The following FBXO4 variants were observed in gnomAD, a reference collection of about 807,000 sequenced individuals.
FBXO4 encodes F-box protein 4.
In FBXO4, 36 loss-of-function variants were observed where a neutral mutation model predicts 43.7. The ratio of observed to expected loss-of-function variants is 0.82; its 90% confidence interval spans 0.63 to 1.09. The LOEUF (loss-of-function observed/expected upper bound fraction) is 1.09. Ranked by LOEUF, FBXO4 falls within the 50% of genes least tolerant of loss-of-function variation. The pLI is 0.00. For missense variants in FBXO4, 435 were observed against 474.1 expected (o/e 0.92, Z 0.77); for synonymous variants, 180 against 165.6 (o/e 1.09, Z -0.67).
chr5:41,967,514 G>T, the FBXO4 span: 2 of 782,784 alleles, frequency 2.6e-6, no homozygotes, highest in Admixed American at 1.9e-5. Context: ...TATAACAGTG[G>T]CATCACCTCC....
chr5:41,925,606 C>G, intron 1 of FBXO4, 108 bp downstream of exon 1: 1 of 813,466 alleles, frequency 1.2e-6, no homozygotes, highest in Non-Finnish European at 1.7e-6. Context: ...CGGCCTGGGT[C>G]TGGCTCCGTC....
chr5:41,958,175 C>T, the FBXO4 span, among the ~76,000 whole-genome samples: 4 of 148,708 alleles, frequency 2.7e-5, no homozygotes, highest in African/African-American at 9.9e-5. Flanking sequence ...CGCTCTGTCA[C>T]CCAGGCTGGA....
chr5:41,954,480 C>T, the FBXO4 span, among the ~76,000 whole-genome samples: 1 of 152,160 alleles, frequency 6.6e-6, no homozygotes, highest in Non-Finnish European at 1.5e-5. Context: ...CCACTCTCCT[C>T]AAAGCAGCAC....
At chr5:41,940,298 C>T (rs1751972613) in intron 6 of FBXO4, among the ~76,000 whole-genome samples, 1 of 151,992 alleles carries the variant, frequency 6.6e-6, no homozygotes, top group Non-Finnish European at 1.5e-5. Context: ...GGGTCTCGCT[C>T]TCACCCAGGC....
the FBXO4 span, among the ~76,000 whole-genome samples, chr5:41,950,220 C>A: frequency 6.6e-6 from 1 of 152,158 alleles, no homozygotes; most frequent in African/African-American, 2.4e-5. Flanking sequence ...CAAATGGGAT[C>A]TAGTTAAACT....
chr5:41,984,721 G>C, the FBXO4 span, among the ~76,000 whole-genome samples: 1 of 152,124 alleles, frequency 6.6e-6, no homozygotes, highest in African/African-American at 2.4e-5. Context: ...ATCTTGGCCA[G>C]GCTGGTCTCG....
rs908310216 is a variant in FBXO4 at position 41,929,937 on chromosome 5, A to G, written c.646+20A>G. 3 of 1,538,220 alleles carry G rather than the reference A, an allele frequency of 2.0e-6. No individual in the cohort carries two copies. Among genetic ancestry groups the G allele is most frequent in the Non-Finnish European group, 2.7e-6 (3 of 1,121,482 alleles). On this transcript the variant is annotated intron_variant, in intron 3 of 6. Coordinates refer to ENST00000281623, the MANE Select transcript of FBXO4 (RefSeq NM_012176.3). ...TTGATGGTAATTTTCATGTTAATCT[A>G]CAGTTAATTCAAACACTTTGAGCTT...
intron 2 of FBXO4, chr5:41,928,714 A>C (rs1242249852): frequency 1.3e-5 from 2 of 152,458 alleles, no homozygotes; most frequent in African/African-American, 2.4e-5. Context: ...TATAACTAAA[A>C]GTAGTGAGGC....
intron 5 of FBXO4, among the ~76,000 whole-genome samples, chr5:41,935,839 C>A (rs4957437): frequency 0.13 from 20,510 of 152,216 alleles, 2,342 homozygotes; most frequent in African/African-American, 0.31. Context: ...GCACAGTTAA[C>A]AAGATAGGCT....
the FBXO4 span, among the ~76,000 whole-genome samples, chr5:41,992,907 G>A: frequency 6.6e-6 from 1 of 152,100 alleles, no homozygotes; most frequent in South Asian, 2.1e-4. Context: ...TGTTTTGTAT[G>A]CTGATTTTTA....
the FBXO4 span, among the ~76,000 whole-genome samples, chr5:42,013,731 G>A: frequency 1.3e-5 from 2 of 152,206 alleles, no homozygotes; most frequent in Non-Finnish European, 2.9e-5. Flanking sequence ...AAACACAGCT[G>A]TACCCTGGCA....
Position 41,938,526 on chromosome 5 carries a change from TATTA to T in FBXO4, c.899-911_899-908del, listed in dbSNP as rs199709180. On this transcript the variant is annotated intron_variant, in intron 5 of 6. Transcript: ENST00000281623. The stretch of plus-strand genomic sequence containing the variant: ...CTTGTTGATAAGTACATTAAATGTT[TATTA>T]ATTTTCAATTTCTATTAACAAATTA... 3.6e-3 allele frequency among the ~76,000 whole-genome samples: 556 copies of T among 152,370 alleles called. 6 individuals are homozygous for T. Among genetic ancestry groups the T allele is most frequent in the African/African-American group, 9.9e-3 (411 of 41,594 alleles).
chr5:41,961,739 G>T, the FBXO4 span, among the ~76,000 whole-genome samples: 2 of 152,196 alleles, frequency 1.3e-5, no homozygotes, highest in Non-Finnish European at 2.9e-5. Flanking sequence ...CAGGGCACTT[G>T]TATGGTTGGG....
At chr5:41,925,642 T>A in intron 1 of FBXO4, 144 bp downstream of exon 1, 2 of 535,200 alleles carry the variant, frequency 3.7e-6, no homozygotes, top group Non-Finnish European at 2.9e-6. Context: ...GGCAGTGTAG[T>A]CACCGAGAAG....
chr5:41,938,681 G>A (rs558184422), intron 5 of FBXO4, among the ~76,000 whole-genome samples: 3 of 152,200 alleles, frequency 2.0e-5, no homozygotes, highest in Admixed American at 6.5e-5. Flanking sequence ...GTATCATATG[G>A]TTGCATCCTT....
the FBXO4 span, among the ~76,000 whole-genome samples, chr5:42,014,369 G>A: frequency 6.6e-6 from 1 of 152,300 alleles, no homozygotes; most frequent in African/African-American, 2.4e-5. Context: ...AATGTGAGTA[G>A]ACATTAATTT....
chr5:41,960,204 A>G, the FBXO4 span, among the ~76,000 whole-genome samples: 1 of 151,764 alleles, frequency 6.6e-6, no homozygotes, highest in African/African-American at 2.4e-5. Flanking sequence ...CTGTATGTTG[A>G]TTTTGTATTC....
the FBXO4 span, among the ~76,000 whole-genome samples, chr5:42,020,598 G>A: frequency 1.3e-5 from 2 of 152,074 alleles, no homozygotes; most frequent in Non-Finnish European, 2.9e-5. Context: ...TATTAATAAC[G>A]CCAGCAAGGA....
the FBXO4 span, among the ~76,000 whole-genome samples, chr5:41,987,125 A>G: frequency 1.3e-5 from 2 of 152,184 alleles, no homozygotes; most frequent in Admixed American, 1.3e-4. Context: ...GTGTTTTTAC[A>G]GAAAAATCAG....
Sources: gnomAD v4.1 joint callset for allele counts (sites outside exome capture counted in the v4.1 genomes callset) on GRCh38, gnomAD v4.1.1 for gene constraint, MANE v1.5 for transcripts, NCBI Gene and HGNC (gene_info 2026-07-23, HGNC 2026-07-21) for gene names.